JAZF1: variants seen among roughly 807,000 people sequenced by gnomAD.
The protein encoded by JAZF1 is JAZF zinc finger 1, also known as juxtaposed with another zinc finger protein 1.
Under a neutral mutation model 26.4 loss-of-function variants are expected in JAZF1, and 8 were observed. That is an observed-to-expected ratio of 0.30 (90% CI 0.18 to 0.55). The LOEUF (loss-of-function observed/expected upper bound fraction) is 0.55, where lower values mean the gene tolerates loss of function less well. Ranked by LOEUF, JAZF1 falls within the 20% of genes least tolerant of loss-of-function variation. The pLI is 0.94. For synonymous variants in JAZF1, 126 were observed against 122.3 expected (o/e 1.03, Z -0.20); for missense variants, 199 against 322.0 (o/e 0.62, Z 2.92).
At chr7:28,105,282 T>C (rs1784533251) in intron 1 of JAZF1, among the ~76,000 whole-genome samples, 1 of 152,262 alleles carries the variant, frequency 6.6e-6, no homozygotes, top group Non-Finnish European at 1.5e-5. Context: ...AACTCTTCTC[T>C]GTAAGTTCAA....
Position 27,892,693 on chromosome 7 carries a change from A to G in JAZF1, c.385+2527T>C, listed in dbSNP as rs181225847. Among the ~76,000 whole-genome samples, 448 of 152,322 alleles carry G rather than the reference A, an allele frequency of 2.9e-3. 1 individual carries two copies. Among genetic ancestry groups the G allele is most frequent in the Middle Eastern group, 0.02 (6 of 294 alleles). ...TTTACAACATAAATGTTACAAAAAG[A>G]TCCTGGAAAGTCAATCTTCACAAAA... is the stretch of plus-strand genomic sequence containing the variant. On this transcript the variant is annotated intron_variant, in intron 3 of 4. Transcript: ENST00000283928.
chr7:28,002,932 T>A (rs1421931902), intron 1 of JAZF1, among the ~76,000 whole-genome samples: 2 of 152,028 alleles, frequency 1.3e-5, no homozygotes. Flanking sequence ...TATGAGATAA[T>A]CTTGTGAATG....
At chr7:28,168,072 T>C (rs1409430340) in intron 1 of JAZF1, among the ~76,000 whole-genome samples, 1 of 152,120 alleles carries the variant, frequency 6.6e-6, no homozygotes, top group Non-Finnish European at 1.5e-5. Flanking sequence ...CCCATCTGTA[T>C]TAGTTACCAG....
chr7:27,910,927 AC>A (rs1784350812), intron 2 of JAZF1, among the ~76,000 whole-genome samples: 1 of 152,184 alleles, frequency 6.6e-6, no homozygotes, highest in Admixed American at 6.5e-5. Context: ...TCATTACTGC[AC>A]CAGATGCTAG....
chr7:27,946,279 G>T (rs1238051667), intron 2 of JAZF1, among the ~76,000 whole-genome samples: 1 of 152,130 alleles, frequency 6.6e-6, no homozygotes, highest in African/African-American at 2.4e-5. Flanking sequence ...AATTTGTTTA[G>T]TTTAAAAGGG....
intron 2 of JAZF1, among the ~76,000 whole-genome samples, chr7:27,930,749 ATT>A (rs1325858163): frequency 6.6e-6 from 1 of 152,172 alleles, no homozygotes; most frequent in Admixed American, 6.5e-5. Flanking sequence ...TAAATTTTGC[ATT>A]CTTTTAAGAA....
At chr7:28,091,315 C>T (rs1784292876) in intron 1 of JAZF1, among the ~76,000 whole-genome samples, 1 of 151,694 alleles carries the variant, frequency 6.6e-6, no homozygotes, top group South Asian at 2.1e-4. Context: ...TTAATGTTTC[C>T]TCCTAACAGT....
At chr7:28,167,505 T>A (rs528873381) in intron 1 of JAZF1, among the ~76,000 whole-genome samples, 1 of 152,306 alleles carries the variant, frequency 6.6e-6, no homozygotes, top group African/African-American at 2.4e-5. Flanking sequence ...TTACTGCTAT[T>A]CTCTCAACTT....
intron 2 of JAZF1, among the ~76,000 whole-genome samples, chr7:27,966,045 C>T (rs1210228103): frequency 1.3e-5 from 2 of 152,218 alleles, no homozygotes; most frequent in Non-Finnish European, 2.9e-5. Flanking sequence ...CCTTCCCCTG[C>T]TATTGCAGAA....
intron 2 of JAZF1, among the ~76,000 whole-genome samples, chr7:27,978,234 T>G (rs1357348322): frequency 6.6e-6 from 1 of 152,212 alleles, no homozygotes; most frequent in Admixed American, 6.5e-5. Flanking sequence ...TGACAGACAC[T>G]GTTCTGGGGG....
intron 4 of JAZF1, among the ~76,000 whole-genome samples, chr7:27,837,774 CTT>C (rs373562625): frequency 6.6e-6 from 1 of 152,208 alleles, no homozygotes; most frequent in African/African-American, 2.4e-5. Flanking sequence ...CCTAAGGACT[CTT>C]TAGCCGAAGG....
intron 1 of JAZF1, among the ~76,000 whole-genome samples, chr7:28,179,625 T>C (rs1055907568): frequency 1.3e-5 from 2 of 150,264 alleles, no homozygotes; most frequent in Non-Finnish European, 3.0e-5. Context: ...CCCGGGGCGC[T>C]GGGCGCGGCC....
At chr7:27,993,086 A>C (rs1785936295) in intron 1 of JAZF1, among the ~76,000 whole-genome samples, 1 of 152,232 alleles carries the variant, frequency 6.6e-6, no homozygotes, top group African/African-American at 2.4e-5. Flanking sequence ...CCCAGATTAA[A>C]ACTGGACAGT....
intron 1 of JAZF1, among the ~76,000 whole-genome samples, chr7:28,084,882 G>A (rs1229758847): frequency 2.6e-5 from 4 of 152,198 alleles, no homozygotes; most frequent in Admixed American, 6.5e-5. Flanking sequence ...CCTTTAAGAC[G>A]TGAATGGATT....
intron 1 of JAZF1, among the ~76,000 whole-genome samples, chr7:28,119,227 C>T (rs190971687): frequency 8.9e-4 from 135 of 152,214 alleles, no homozygotes; most frequent in African/African-American, 3.2e-3. Flanking sequence ...CCTGAGAGGA[C>T]GCTCCTGAAT....
At position 27,860,566 on chromosome 7, in the gene JAZF1, A is replaced by T. The variant is rs143027603; in HGVS notation, c.386-19699T>A. ...CTCACTACAGGCCAGGCACAGCTCT[A>T]AGCGCTGTACATCTATTAGCTCATT... On this transcript the variant is annotated intron_variant, in intron 3 of 4. Transcript: ENST00000283928. Among the ~76,000 whole-genome samples the T allele has an allele frequency of 4.4e-3, 675 of 152,274 alleles. 7 individuals are homozygous for T. The highest frequency in any genetic ancestry group is 0.015 in the African/African-American group (644 of 41,558).
intron 1 of JAZF1, among the ~76,000 whole-genome samples, chr7:28,024,536 T>C (rs1783061116): frequency 6.6e-6 from 1 of 152,160 alleles, no homozygotes; most frequent in Non-Finnish European, 1.5e-5. Context: ...CCCATAATTA[T>C]CATCATTTTG....
chr7:27,978,521 C>T lies in JAZF1; in HGVS notation c.188+13388G>A, dbSNP rs190369878. 2.8e-4 allele frequency among the ~76,000 whole-genome samples: 42 copies of T among 152,208 alleles called. 1 individual carries two copies. In the East Asian group the frequency reaches 7.5e-3, roughly 27 times the overall value. ...GATGATGAGTAAAAAGAGTATTCTGCCTTTTGTATCAGAAAAAGAACAAAA... is the reference window on the plus strand; with the variant it reads ...GATGATGAGTAAAAAGAGTATTCTGTCTTTTGTATCAGAAAAAGAACAAAA... On this transcript the variant is annotated intron_variant, in intron 2 of 4. Coordinates refer to ENST00000283928, the MANE Select transcript of JAZF1 (RefSeq NM_175061.4).
intron 1 of JAZF1, among the ~76,000 whole-genome samples, chr7:28,102,410 T>G (rs544758760): frequency 6.0e-4 from 91 of 152,356 alleles, no homozygotes; most frequent in African/African-American, 2.1e-3. Context: ...ACGATTCCCA[T>G]AAGTATCACT....
Sources: gnomAD v4.1 joint callset for allele counts (sites outside exome capture counted in the v4.1 genomes callset) on GRCh38, gnomAD v4.1.1 for gene constraint, MANE v1.5 for transcripts, NCBI Gene and HGNC (gene_info 2026-07-23, HGNC 2026-07-21) for gene names.